The following PDSS2 variants were observed in gnomAD, a reference collection of about 807,000 sequenced individuals.
The protein encoded by PDSS2 is all trans-polyprenyl-diphosphate synthase PDSS2.
In PDSS2, 31 loss-of-function variants were observed where a neutral mutation model predicts 44.5. That is an observed-to-expected ratio of 0.70 (90% CI 0.52 to 0.94). The LOEUF is 0.94. PDSS2 is among the 40% of genes least tolerant of loss of function. The pLI, the probability that PDSS2 is intolerant of heterozygous loss-of-function variation, is 0.00. For synonymous variants in PDSS2, 157 were observed against 180.3 expected (o/e 0.87, Z 1.03); for missense variants, 452 against 482.2 (o/e 0.94, Z 0.59).
chr6:107,344,293 TAG>T (rs1444161671), intron 1 of PDSS2, among the ~76,000 whole-genome samples: 5 of 152,228 alleles, frequency 3.3e-5, no homozygotes, highest in African/African-American at 1.2e-4. Flanking sequence ...ATTGTAATTT[TAG>T]AGAGACTAAA....
chr6:107,188,497 C>G (rs1378204962), intron 7 of PDSS2, among the ~76,000 whole-genome samples: 4 of 152,134 alleles, frequency 2.6e-5, no homozygotes, highest in Non-Finnish European at 5.9e-5. Flanking sequence ...GGGAATAGAA[C>G]AGCACTACTC....
At chr6:107,423,953 TG>T (rs1275137653) in intron 1 of PDSS2, among the ~76,000 whole-genome samples, 1 of 152,076 alleles carries the variant, frequency 6.6e-6, no homozygotes, top group East Asian at 1.9e-4. Flanking sequence ...CAGCCCACAG[TG>T]TTCTACCCTG....
intron 7 of PDSS2, among the ~76,000 whole-genome samples, chr6:107,185,700 C>G (rs889341690): frequency 4.6e-5 from 7 of 152,188 alleles, no homozygotes; most frequent in African/African-American, 1.7e-4. Context: ...GTTACCATGG[C>G]AAACCAAACG....
At chr6:107,304,537 G>C (rs181493728) in intron 2 of PDSS2, among the ~76,000 whole-genome samples, 165 of 152,258 alleles carry the variant, frequency 1.1e-3, no homozygotes, top group Admixed American at 2.9e-3. Flanking sequence ...CCACTTAATA[G>C]CTGCGTGAGC....
intron 2 of PDSS2, among the ~76,000 whole-genome samples, chr6:107,320,478 T>C (rs574375853): frequency 6.6e-6 from 1 of 152,274 alleles, no homozygotes; most frequent in Non-Finnish European, 1.5e-5. Flanking sequence ...TCAGGACTAA[T>C]GACAAATGAA....
chr6:107,261,889 A>C (rs1474456209), intron 3 of PDSS2, among the ~76,000 whole-genome samples: 1 of 140,400 alleles, frequency 7.1e-6, no homozygotes, highest in Non-Finnish European at 1.5e-5. Flanking sequence ...CGTCTCAGGT[A>C]TTTCTTTTCT....
At chr6:107,443,704 G>A (rs75170700) in intron 1 of PDSS2, among the ~76,000 whole-genome samples, 2,295 of 152,230 alleles carry the variant, frequency 0.015, 107 homozygotes, top group East Asian at 0.12. Flanking sequence ...AGACTTTGCT[G>A]AGCAATTTAT....
chr6:107,172,716 C>T (rs1554248920), intron 7 of PDSS2, among the ~76,000 whole-genome samples: 2 of 151,674 alleles, frequency 1.3e-5, no homozygotes, highest in African/African-American at 4.9e-5. Flanking sequence ...GGTGGCAGCC[C>T]CAGGATAAGT....
chr6:107,231,558 C>A (rs991888612), intron 4 of PDSS2, among the ~76,000 whole-genome samples: 1 of 152,200 alleles, frequency 6.6e-6, no homozygotes, highest in South Asian at 2.1e-4. Flanking sequence ...CTATTCACAG[C>A]TTCTACATAA....
chr6:107,420,106 G>T (rs980806400), intron 1 of PDSS2, among the ~76,000 whole-genome samples: 2 of 152,174 alleles, frequency 1.3e-5, no homozygotes, highest in African/African-American at 4.8e-5. Flanking sequence ...CATCCTAAAT[G>T]CTCTATTGAT....
intron 3 of PDSS2, among the ~76,000 whole-genome samples, chr6:107,272,305 A>AG (rs1775628050): frequency 6.6e-6 from 1 of 152,204 alleles, no homozygotes; most frequent in Admixed American, 6.5e-5. Context: ...ATGGGATCCC[A>AG]GGATAGCTGG....
At chr6:107,437,317 T>C (rs1459515951) in intron 1 of PDSS2, among the ~76,000 whole-genome samples, 1 of 151,570 alleles carries the variant, frequency 6.6e-6, no homozygotes, top group Non-Finnish European at 1.5e-5. Context: ...AGGCCAGGAG[T>C]CTAAGACCAG....
chr6:107,305,361 C>G (rs1237624455), intron 2 of PDSS2, among the ~76,000 whole-genome samples: 1 of 152,054 alleles, frequency 6.6e-6, no homozygotes, highest in African/African-American at 2.4e-5. Context: ...CTTACCATGC[C>G]TCCTCACATC....
At chr6:107,213,184 T>A (rs992665272) in intron 4 of PDSS2, among the ~76,000 whole-genome samples, 2 of 151,980 alleles carry the variant, frequency 1.3e-5, no homozygotes, top group African/African-American at 4.8e-5. Flanking sequence ...TAATTTTTTG[T>A]ATTTTTTGTA....
At chr6:107,294,607 C>T (rs1338290647) in intron 2 of PDSS2, among the ~76,000 whole-genome samples, 1 of 151,950 alleles carries the variant, frequency 6.6e-6, no homozygotes, top group Admixed American at 6.6e-5. Flanking sequence ...AAGTGTACAG[C>T]TTAATGCGTA....
intron 2 of PDSS2, among the ~76,000 whole-genome samples, chr6:107,283,653 G>C (rs1299370080): frequency 1.3e-5 from 2 of 152,142 alleles, no homozygotes; most frequent in Non-Finnish European, 2.9e-5. Flanking sequence ...CCAGGAGGCA[G>C]AGGTTGTGGT....
At chr6:107,274,493 G>A (rs552976024) in intron 2 of PDSS2, among the ~76,000 whole-genome samples, 1 of 152,070 alleles carries the variant, frequency 6.6e-6, no homozygotes. Context: ...GACCAGTGGA[G>A]GGCCACCTTC....
intron 1 of PDSS2, among the ~76,000 whole-genome samples, chr6:107,419,765 A>G (rs1780768645): frequency 6.6e-6 from 1 of 152,230 alleles, no homozygotes; most frequent in Non-Finnish European, 1.5e-5. Flanking sequence ...GTGAGATTCT[A>G]AGCTATAAAC....
chr6:107,437,135 G>C (rs1282548229), intron 1 of PDSS2, among the ~76,000 whole-genome samples: 1 of 152,162 alleles, frequency 6.6e-6, no homozygotes, highest in Non-Finnish European at 1.5e-5. Context: ...GAGCAGTTGA[G>C]ATTACAGGTG....
Sources: allele counts gnomAD v4.1 joint callset (sites outside exome capture counted in the v4.1 genomes callset), GRCh38; gene constraint gnomAD v4.1.1; transcripts MANE v1.5; gene names NCBI Gene and HGNC (gene_info 2026-07-23, HGNC 2026-07-21).